Variants in RNF180 observed in about 807,000 individuals in gnomAD.
RNF180 encodes ring finger protein 180, also known as E3 ubiquitin-protein ligase RNF180.
Under a neutral mutation model 59.2 loss-of-function variants are expected in RNF180, and 38 were observed. That is an observed-to-expected ratio of 0.64 (90% confidence interval 0.50 to 0.84). RNF180 has a LOEUF of 0.84. Among genes scored for constraint, RNF180 ranks in the 40% least tolerant of loss-of-function variants. The pLI, the probability that RNF180 is intolerant of heterozygous loss-of-function variation, is 0.00. For missense variants in RNF180, 705 were observed against 700.9 expected, an observed-to-expected ratio of 1.01 and a Z score of -0.07; for synonymous variants, 262 against 240.3, an observed-to-expected ratio of 1.09 and a Z score of -0.84.
intron 5 of RNF180, among the ~76,000 whole-genome samples, chr5:64,250,051 G>T (rs1743463481): frequency 6.6e-6 from 1 of 152,126 alleles, no homozygotes; most frequent in South Asian, 2.1e-4. Flanking sequence ...CTCCAGGATA[G>T]TATAAATGTT....
chr5:64,223,631 A>G (rs1262646197), intron 5 of RNF180, among the ~76,000 whole-genome samples: 1 of 152,278 alleles, frequency 6.6e-6, no homozygotes, highest in East Asian at 1.9e-4. Context: ...TGTGCCCTTA[A>G]CCATTATTCC....
rs1744845902 is a variant in RNF180, at chr5:64,330,331, A to C, written c.1504A>C (p.Lys502Gln). ...TFFTKEYLKIKQSFQKSNSAK... is the reference protein window; with the variant it reads ...TFFTKEYLKIQQSFQKSNSAK... Reference sequence around the variant, plus strand: ...CTTTACTAAAGAATATTTGAAAATAAAACAAAGCTTTCAGAAATCCAACTC... The same window carrying C: ...CTTTACTAAAGAATATTTGAAAATACAACAAAGCTTTCAGAAATCCAACTC... The change falls in exon 7 of 8, where the codon AAA becomes CAA. Residue 502 changes from lysine (K) to glutamine (Q), a missense_variant. Physicochemically the swap from Lys to Gln is moderately conservative, Grantham distance 53 (BLOSUM62 1). Transcript: ENST00000389100. The C allele has an allele frequency of 6.5e-7, 1 of 1,538,084 alleles. No individual in the cohort carries two copies. The highest frequency in any genetic ancestry group is 8.8e-7 in the Non-Finnish European group (1 of 1,137,932).
intron 5 of RNF180, among the ~76,000 whole-genome samples, chr5:64,292,892 A>T (rs1224655501): frequency 6.6e-6 from 1 of 152,152 alleles, no homozygotes; most frequent in African/African-American, 2.4e-5. Flanking sequence ...CCACTCAAAG[A>T]AGCGGTCTGG....
Position 64,213,856 on chromosome 5 carries a change from G to A in RNF180, c.530G>A (p.Arg177Lys), listed in dbSNP as rs199638321. The change falls in exon 4 of 8, where the codon AGA becomes AAA. Residue 177 changes from arginine (R) to lysine (K), a missense_variant. By Grantham distance (26) the Arg-to-Lys change is conservative. Coordinates refer to ENST00000389100, the MANE Select transcript of RNF180 (RefSeq NM_001113561.2). ...GCCCGAAATAATAATGACCCTGGAA[G>A]ATTAACAGAAGCACTCTGCCTGGAG... ...NMARNNNDPG[R>K]LTEALCLEVR... 6.2e-7 allele frequency: 1 copy of A among 1,614,100 alleles called. No individual in the cohort carries two copies.
intron 7 of RNF180, among the ~76,000 whole-genome samples, chr5:64,339,693 G>GTTTTT (rs999196616): frequency 1.4e-5 from 2 of 145,652 alleles, no homozygotes; most frequent in Non-Finnish European, 1.5e-5. Flanking sequence ...AAATTAGTGG[G>GTTTTT]TTTTTTTTTT....
At chr5:64,332,696 TAAAATATAATTTCATCTTTTATG>T (rs1428977160) in intron 7 of RNF180, among the ~76,000 whole-genome samples, 4 of 152,210 alleles carry the variant, frequency 2.6e-5, no homozygotes, top group African/African-American at 9.6e-5. Flanking sequence ...AATATGGACA[TAAAATATAATTTCATCTTTTATG>T]AAACCGTAGT....
chr5:64,241,806 C>G (rs1742824905), intron 5 of RNF180, among the ~76,000 whole-genome samples: 1 of 152,106 alleles, frequency 6.6e-6, no homozygotes, highest in African/African-American at 2.4e-5. Context: ...TCCGCAAACC[C>G]TAGGCAGCAC....
chr5:64,360,364 AC>A (rs1392345777), intron 7 of RNF180, among the ~76,000 whole-genome samples: 2 of 151,676 alleles, frequency 1.3e-5, no homozygotes, highest in South Asian at 2.1e-4. Flanking sequence ...AAATTCAACA[AC>A]CCTTCATGCT....
chr5:64,350,675 C>A (rs1217914055), intron 7 of RNF180, among the ~76,000 whole-genome samples: 2 of 152,060 alleles, frequency 1.3e-5, no homozygotes, highest in Non-Finnish European at 2.9e-5. Context: ...AATCCTTTCC[C>A]CATGTCTTGT....
At chr5:64,319,710 A>G (rs1744246474) in intron 5 of RNF180, among the ~76,000 whole-genome samples, 1 of 152,214 alleles carries the variant, frequency 6.6e-6, no homozygotes, top group African/African-American at 2.4e-5. Context: ...TCCTGAGAGT[A>G]TTATCTGGCT....
chr5:64,299,225 T>C (rs1408404471), intron 5 of RNF180, among the ~76,000 whole-genome samples: 2 of 152,002 alleles, frequency 1.3e-5, no homozygotes, highest in Non-Finnish European at 2.9e-5. Context: ...TCCAGAACTT[T>C]GAGATATAAA....
At chr5:64,210,033 T>G (rs149836698) in intron 2 of RNF180, among the ~76,000 whole-genome samples, 2 of 152,076 alleles carry the variant, frequency 1.3e-5, no homozygotes, top group Non-Finnish European at 2.9e-5. Context: ...TGAACTGTTA[T>G]TGTAAATTAA....
chr5:64,369,635 C>T lies in RNF180; in HGVS notation c.1600C>T (p.Pro534Ser). The change falls in exon 8 of 8, where the codon CCA becomes TCA. Residue 534 changes from proline to serine, a missense_variant. Pro to Ser is a moderately conservative substitution (Grantham distance 74). Transcript: ENST00000389100. ...LFGGFRRHAA[P>S]VTRRQFPHGA... Reference sequence around the variant, plus strand: ...TCTAGGTTTCCGCAGACATGCAGCTCCAGTTACAAGAAGGCAGTTCCCACA... The same window carrying T: ...TCTAGGTTTCCGCAGACATGCAGCTTCAGTTACAAGAAGGCAGTTCCCACA... The T allele has an allele frequency of 7.2e-6, 11 of 1,521,942 alleles. No homozygotes were observed. Among genetic ancestry groups the T allele is most frequent in the Non-Finnish European group, 9.7e-6 (11 of 1,137,214 alleles). 94.3% of individuals were successfully genotyped at this position (1,521,942 alleles called of 1,614,324 possible).
chr5:64,237,827 C>G (rs537052082), intron 5 of RNF180, among the ~76,000 whole-genome samples: 1 of 152,180 alleles, frequency 6.6e-6, no homozygotes, highest in South Asian at 2.1e-4. Context: ...CTCTCTGTCT[C>G]TCTCTCTCTC....
Position 64,372,824 on chromosome 5 carries a change from T to C in RNF180, c.*3010T>C, listed in dbSNP as rs1746696981. 6.6e-6 allele frequency: 1 copy of C among 151,962 alleles called. No individual in the cohort carries two copies. Among genetic ancestry groups the C allele is most frequent in the Non-Finnish European group, 1.5e-5 (1 of 67,924 alleles). 9.4% of individuals were successfully genotyped at this position (151,962 alleles called of 1,614,324 possible). A position where few individuals can be genotyped will look rare whatever the true frequency, so the allele number is the denominator to read the frequency against. ...AAATTTTCGAAGAACATTAAAGTTC[T>C]ACCAATGTAGAAGCATGAGGAATAA... On this transcript the variant is annotated 3_prime_UTR_variant, in exon 8 of 8. Coordinates refer to ENST00000389100, the MANE Select transcript of RNF180 (RefSeq NM_001113561.2).
In RNF180 at chr5:64,325,228, G is replaced by T. The variant is rs1207520816; in HGVS notation, c.1270G>T (p.Ala424Ser). Reference protein sequence around the residue: ...EMSTDEDNEYAEEKDSYICAV... With the variant: ...EMSTDEDNEYSEEKDSYICAV... ...GAGTACAGATGAAGACAATGAATAT[G>T]CAGAAGAAAAGGATAGCTACATCTG... The change falls in exon 6 of 8, where the codon GCA becomes TCA. Residue 424 changes from alanine (A) to serine (S), a missense_variant. Transcript: ENST00000389100. 1.3e-6 allele frequency: 2 copies of T among 1,551,422 alleles called. No individual in the cohort carries two copies. Among genetic ancestry groups the T allele is most frequent in the Non-Finnish European group, 1.7e-6 (2 of 1,146,674 alleles).
In RNF180 at chr5:64,357,615, C is replaced by T. The variant is rs965772428; in HGVS notation, c.1580-12000C>T. Among the ~76,000 whole-genome samples the T allele has an allele frequency of 5.9e-5, 9 of 151,812 alleles. No homozygotes were observed. The South Asian group carries it at 8.3e-4, about 14-fold the overall frequency. On this transcript the variant is annotated intron_variant, in intron 7 of 7. Coordinates refer to ENST00000389100, the MANE Select transcript of RNF180 (RefSeq NM_001113561.2). ...ATTCTCTAAAGTCTGTCCTTTTATG[C>T]AGGTACTCATCCATCCAAAAACATA...
At chr5:64,353,921 A>G (rs1183824761) in intron 7 of RNF180, among the ~76,000 whole-genome samples, 2 of 151,796 alleles carry the variant, frequency 1.3e-5, no homozygotes, top group African/African-American at 4.8e-5. Context: ...AAATACACTG[A>G]TATGAATGAA....
intron 1 of RNF180, among the ~76,000 whole-genome samples, chr5:64,179,607 C>T (rs1398059803): frequency 6.6e-6 from 1 of 152,040 alleles, no homozygotes; most frequent in Non-Finnish European, 1.5e-5. Flanking sequence ...CTTTTCATTG[C>T]TATATAGTAT....
Sources: gnomAD v4.1 joint callset for allele counts (sites outside exome capture counted in the v4.1 genomes callset) on GRCh38, gnomAD v4.1.1 for gene constraint, MANE v1.5 for transcripts, NCBI Gene and HGNC (gene_info 2026-07-23, HGNC 2026-07-21) for gene names.